LEPR: variants seen among roughly 807,000 people sequenced by gnomAD.
The protein encoded by LEPR is OB receptor.
LEPR carries 56 observed loss-of-function variants against 114.7 expected under a neutral mutation model. That is an observed-to-expected ratio of 0.49 (90% CI 0.39 to 0.61). The LOEUF (loss-of-function observed/expected upper bound fraction) is 0.61. Among genes scored for constraint, LEPR ranks in the 20% least tolerant of loss-of-function variants. LEPR has a pLI of 0.00. For synonymous variants in LEPR, 443 were observed against 461.4 expected (o/e 0.96, Z 0.51); for missense variants, 1,202 against 1,352.9 (o/e 0.89, Z 1.75).
chr1:65,550,597 C>T (rs1023554496), intron 2 of LEPR, among the ~76,000 whole-genome samples: 6 of 152,178 alleles, frequency 3.9e-5, no homozygotes, highest in East Asian at 1.9e-4. Flanking sequence ...AGCGAGACTC[C>T]GTGGGCGTAG....
chr1:65,508,452 C>T (rs144255410), intron 2 of LEPR, among the ~76,000 whole-genome samples: 1 of 152,158 alleles, frequency 6.6e-6, no homozygotes, highest in African/African-American at 2.4e-5. Flanking sequence ...TGTCCTTTCC[C>T]CATTGTGTGT....
intron 2 of LEPR, among the ~76,000 whole-genome samples, chr1:65,488,990 T>C (rs1463443117): frequency 6.6e-6 from 1 of 152,214 alleles, no homozygotes; most frequent in East Asian, 1.9e-4. Context: ...ATTATGTATA[T>C]GTACCACATT....
At position 65,636,912 on chromosome 1, in the gene LEPR, C is replaced by G; in HGVS notation, c.3395C>G (p.Thr1132Ser). ...GTAGAAAATAATATCAACTTAGGAACTTCTAGTAAGAAGACTTTTGCATCT... is the reference window on the plus strand; with the variant it reads ...GTAGAAAATAATATCAACTTAGGAAGTTCTAGTAAGAAGACTTTTGCATCT... Reference protein sequence around the residue: ...HFVENNINLGTSSKKTFASYM... With the variant: ...HFVENNINLGSSSKKTFASYM... The change falls in exon 20 of 20, where the codon ACT (threonine) becomes AGT (serine). Residue 1132 changes from threonine to serine, a missense_variant. Coordinates refer to ENST00000349533, the MANE Select transcript of LEPR (RefSeq NM_002303.6). 6.2e-7 allele frequency: 1 copy of G among 1,607,604 alleles called. No homozygotes were observed. Among genetic ancestry groups the G allele is most frequent in the Non-Finnish European group, 8.5e-7 (1 of 1,177,450 alleles).
rs560527280 is a variant in LEPR at position 65,507,200 on chromosome 1, G to A, written c.-20-58346G>A. Among the ~76,000 whole-genome samples, 30 of 151,930 alleles carry A rather than the reference G, an allele frequency of 2.0e-4. No individual in the cohort carries two copies. The South Asian group carries it at 5.0e-3, about 25-fold the overall frequency. ...CAAGTAGCTGGGATTACAGGCACCC[G>A]CCACCACGCCTGGTTAATTTTTGTA... On this transcript the variant is annotated intron_variant, in intron 2 of 19. Transcript: ENST00000349533.
intron 14 of LEPR, among the ~76,000 whole-genome samples, chr1:65,612,441 G>A (rs560362653): frequency 6.9e-4 from 105 of 152,280 alleles, no homozygotes; most frequent in Non-Finnish European, 9.8e-4. Flanking sequence ...TTCTGGTTCA[G>A]GATTCCATCC....
At chr1:65,539,251 CTT>C (rs11350039) in intron 2 of LEPR, among the ~76,000 whole-genome samples, 35 of 146,700 alleles carry the variant, frequency 2.4e-4, no homozygotes, top group Middle Eastern at 3.5e-3. Flanking sequence ...TTTGTTAAAG[CTT>C]TTTTTTTTTT....
intron 15 of LEPR, among the ~76,000 whole-genome samples, chr1:65,616,441 G>A (rs992647087): frequency 3.3e-5 from 5 of 152,094 alleles, no homozygotes; most frequent in Non-Finnish European, 7.4e-5. Flanking sequence ...GAACATTGTT[G>A]TAATGGTGTT....
chr1:65,626,716 C>T (rs1351097073), intron 19 of LEPR, among the ~76,000 whole-genome samples: 1 of 152,118 alleles, frequency 6.6e-6, no homozygotes, highest in Non-Finnish European at 1.5e-5. Flanking sequence ...GATCTCAGCT[C>T]ACTGCAGCCT....
intron 2 of LEPR, among the ~76,000 whole-genome samples, chr1:65,520,736 G>A (rs1290792289): frequency 6.6e-6 from 1 of 152,190 alleles, no homozygotes; most frequent in African/African-American, 2.4e-5. Flanking sequence ...TTGACAGCAA[G>A]CCAGTGATAA....
At chr1:65,461,386 G>C (rs996900486) in intron 2 of LEPR, among the ~76,000 whole-genome samples, 1 of 152,114 alleles carries the variant, frequency 6.6e-6, no homozygotes. Flanking sequence ...TAAGGTACCA[G>C]GGCATAAGGA....
chr1:65,473,963 A>G (rs1160816228), intron 2 of LEPR, among the ~76,000 whole-genome samples: 2 of 152,208 alleles, frequency 1.3e-5, no homozygotes, highest in African/African-American at 4.8e-5. Context: ...CTCTCATTAA[A>G]TATACTGGTA....
intron 2 of LEPR, among the ~76,000 whole-genome samples, chr1:65,551,194 A>G (rs923598992): frequency 6.6e-6 from 1 of 151,934 alleles, no homozygotes; most frequent in Admixed American, 6.6e-5. Flanking sequence ...TGTTTTGTCT[A>G]TGCCAGGTTT....
At chr1:65,502,542 G>A (rs1648508824) in intron 2 of LEPR, among the ~76,000 whole-genome samples, 1 of 152,034 alleles carries the variant, frequency 6.6e-6, no homozygotes, top group Non-Finnish European at 1.5e-5. Context: ...TAGCTTCCCT[G>A]TGGAGCTGAT....
chr1:65,440,059 G>T (rs1431494879), intron 2 of LEPR, among the ~76,000 whole-genome samples: 1 of 143,128 alleles, frequency 7.0e-6, no homozygotes, highest in Admixed American at 7.0e-5. Flanking sequence ...ATGCTATGAA[G>T]AAATAAATCA....
intron 2 of LEPR, among the ~76,000 whole-genome samples, chr1:65,558,506 T>TTTTTTTTTTTTTGAATCAGAAG (rs1653000106): frequency 2.4e-5 from 2 of 84,720 alleles, no homozygotes; most frequent in African/African-American, 9.9e-5. Context: ...TTAATGTTTT[T>TTTTTTTTTTTTTGAATCAGAAG]TTTTTTTTTT....
intron 19 of LEPR, among the ~76,000 whole-genome samples, chr1:65,623,966 T>G (rs1339158918): frequency 1.3e-5 from 2 of 152,160 alleles, no homozygotes; most frequent in Non-Finnish European, 2.9e-5. Context: ...CTTTAACCAG[T>G]GTAATTCAAA....
intron 2 of LEPR, chr1:65,433,601 A>G (rs1646518010): frequency 1.8e-5 from 18 of 985,432 alleles, no homozygotes; most frequent in Non-Finnish European, 2.0e-5. Context: ...AGTAATAACT[A>G]AAGGGTTAAT....
rs1438437020 is a variant in LEPR, at chr1:65,597,347, A to G, written c.849+754A>G. On this transcript the variant is annotated intron_variant, in intron 7 of 19. Coordinates refer to ENST00000349533, the MANE Select transcript of LEPR (RefSeq NM_002303.6). ...TACTTCCTTTCTCTTTTTCTTTAAC[A>G]GTTCGTTCCGTAAGTATTTATTGAA... 5.9e-5 allele frequency among the ~76,000 whole-genome samples: 9 copies of G among 152,142 alleles called. 1 individual carries two copies. In the East Asian group the frequency reaches 1.7e-3, roughly 29 times the overall value.
intron 2 of LEPR, among the ~76,000 whole-genome samples, chr1:65,506,053 G>A (rs1401717811): frequency 6.6e-6 from 1 of 152,146 alleles, no homozygotes; most frequent in Non-Finnish European, 1.5e-5. Context: ...TGGCAAACAT[G>A]CTGGTTCCCC....
Sources: gnomAD v4.1 joint callset for allele counts (sites outside exome capture counted in the v4.1 genomes callset) on GRCh38, gnomAD v4.1.1 for gene constraint, MANE v1.5 for transcripts, NCBI Gene and HGNC (gene_info 2026-07-23, HGNC 2026-07-21) for gene names.